Variants in MOGAT3 observed in about 807,000 individuals in gnomAD.
MOGAT3 encodes 2-acylglycerol O-acyltransferase 3.
In MOGAT3, 39 loss-of-function variants were observed where a neutral mutation model predicts 34.4. The observed-to-expected ratio is 1.13, with a 90% CI of 0.88 to 1.48. MOGAT3 has a LOEUF of 1.48. Ranked by LOEUF, MOGAT3 falls within the 40% of genes most tolerant of loss-of-function variation. The pLI, the probability that MOGAT3 is intolerant of heterozygous loss-of-function variation, is 0.00. For missense variants in MOGAT3, 439 were observed against 438.9 expected, an observed-to-expected ratio of 1.00 and a Z score of 0.00; for synonymous variants, 209 against 179.2, an observed-to-expected ratio of 1.17 and a Z score of -1.33.
intron 3 of MOGAT3, 57 bp from the exon 4 acceptor site, chr7:101,198,887 G>C: frequency 6.6e-7 from 1 of 1,506,948 alleles, no homozygotes. Context: ...CGGCTGAAAA[G>C]AGGGGCCCTC....
Position 101,196,333 on chromosome 7 carries a change from G to C in MOGAT3, c.725C>G (p.Ala242Gly). The change falls in exon 6 of 7, where the codon GCT becomes GGT. Residue 242 changes from alanine (A) to glycine (G), a missense_variant. Coordinates refer to ENST00000223114, the MANE Select transcript of MOGAT3 (RefSeq NM_178176.4). The stretch of plus-strand genomic sequence containing the variant: ...ATGCTGCCAGGAGCCTGTGGCAAAA[G>C]CCTTAAGTCTAAAGATGTCATTCTC... ...FGENDIFRLKAFATGSWQHWC... is the reference protein window; with the variant it reads ...FGENDIFRLKGFATGSWQHWC... 6.2e-7 allele frequency: 1 copy of C among 1,614,034 alleles called. No homozygotes were observed.
At chr7:101,196,134 C>T in intron 6 of MOGAT3, 34 bp from the exon 7 acceptor site, 3 of 1,584,382 alleles carry the variant, frequency 1.9e-6, no homozygotes, top group Non-Finnish European at 2.6e-6. Context: ...GGCGAGGGAT[C>T]CCTGATGCCC....
Position 101,198,319 on chromosome 7 carries a change from C to A in MOGAT3, c.540G>T (p.Gln180His). ...SRQSLDFILSQPQLGQAVVIM... is the reference protein window; with the variant it reads ...SRQSLDFILSHPQLGQAVVIM... The stretch of plus-strand genomic sequence containing the variant: ...TGACCACGGCCTGCCCGAGCTGGGG[C>A]TGGGACAGGATGAAGTCCAGGCTCT... The change falls in exon 5 of 7, where the codon CAG becomes CAT. Residue 180 changes from glutamine (Q) to histidine (H), a missense_variant. By Grantham distance (24) the Gln-to-His change is conservative (BLOSUM62 0). Coordinates refer to ENST00000223114, the MANE Select transcript of MOGAT3 (RefSeq NM_178176.4). 1 of 1,590,540 alleles carries A rather than the reference C, an allele frequency of 6.3e-7. No homozygotes were observed. The highest frequency in any genetic ancestry group is 8.6e-7 in the Non-Finnish European group (1 of 1,166,990).
Position 101,200,776 on chromosome 7 carries a change from A to G in MOGAT3, c.79T>C (p.Tyr27His). The change falls in exon 1 of 7, where the codon TAC (tyrosine) becomes CAC (histidine). Residue 27 changes from tyrosine to histidine, a missense_variant. Transcript: ENST00000223114. ...QKQHLEAVGA[Y>H]QYVLTFLFMG... ...AAGAGGAAAGTGAGCACATATTGGT[A>G]GGCGCCCACTGCTTCTAGATGCTGC... 1 of 1,614,056 alleles carries G rather than the reference A, an allele frequency of 6.2e-7. No homozygotes were observed.
In MOGAT3 at chr7:101,195,847, TG is replaced by T; in HGVS notation, c.*98del. Reference sequence around the variant, plus strand: ...GGATTACAGGCATGAGGCACTGCGCTGGGCCCAGAACTACCTTTTATTGGAG... The same window carrying T: ...GGATTACAGGCATGAGGCACTGCGCTGGCCCAGAACTACCTTTTATTGGAG... On this transcript the variant is annotated 3_prime_UTR_variant, in exon 7 of 7. Transcript: ENST00000223114. 7.3e-7 allele frequency: 1 copy of T among 1,366,880 alleles called. No individual in the cohort carries two copies. The highest frequency in any genetic ancestry group is 1.0e-6 in the Non-Finnish European group (1 of 977,274). The allele number at this position is 1,366,880 out of a possible 1,614,324, so 84.7% of individuals were successfully genotyped here. A position where few individuals can be genotyped will look rare whatever the true frequency, so the allele number is the denominator to read the frequency against.
At position 101,196,987 on chromosome 7, in the gene MOGAT3, A is replaced by AC. The variant is rs1474830157; in HGVS notation, c.669-599dup. Among the ~76,000 whole-genome samples, 6 of 152,100 alleles carry AC rather than the reference A, an allele frequency of 3.9e-5. No homozygotes were observed. The Middle Eastern group carries it at 0.01, about 259-fold the overall frequency. ...AGACCACCCTGACCAATATGGTGAA[A>AC]CCCCATCTCTACTAAAAATACAAAA... is the stretch of plus-strand genomic sequence containing the variant. On this transcript the variant is annotated intron_variant, in intron 5 of 6. Coordinates refer to ENST00000223114, the MANE Select transcript of MOGAT3 (RefSeq NM_178176.4).
downstream of MOGAT3, among the ~76,000 whole-genome samples, chr7:101,194,344 C>T (rs759898048): frequency 6.6e-5 from 10 of 151,890 alleles, no homozygotes; most frequent in Non-Finnish European, 1.3e-4. Flanking sequence ...AGCACCACCA[C>T]GCCCAGCTAA....
intron 3 of MOGAT3, among the ~76,000 whole-genome samples, chr7:101,199,770 G>A (rs565702020): frequency 3.3e-5 from 5 of 151,756 alleles, no homozygotes; most frequent in Admixed American, 2.6e-4. Context: ...ATGAGCCATG[G>A]TGCCCCACCA....
rs957865388 is a variant in MOGAT3, at chr7:101,196,296, G to A, written c.762C>T (p.Leu254=). ...AGAAGCCCATGAGCTTCTTGAAGGT[G>A]AGCTGGCACCAATGCTGCCAGGAGC... ...ATGSWQHWCQ[L]TFKKLMGFSP... Residue 254 remains leucine (L), a synonymous_variant, in exon 6 of 7, where the codon CTC becomes CTT. Transcript: ENST00000223114. 1.7e-5 allele frequency: 28 copies of A among 1,613,820 alleles called. No homozygotes were observed. The highest frequency in any genetic ancestry group is 2.2e-5 in the Non-Finnish European group (26 of 1,179,870).
At chr7:101,196,161 C>T in intron 6 of MOGAT3, 26 bp downstream of exon 6, 5 of 1,569,286 alleles carry the variant, frequency 3.2e-6, no homozygotes, top group Non-Finnish European at 4.3e-6. Context: ...CTGCTGGTGG[C>T]CGTCCCCCCG....
chr7:101,196,728 G>A (rs1279995189), intron 5 of MOGAT3, among the ~76,000 whole-genome samples: 1 of 152,032 alleles, frequency 6.6e-6, no homozygotes, highest in East Asian at 1.9e-4. Flanking sequence ...AATTAGCCAG[G>A]TGTGGAAGTG....
chr7:101,195,955 G>A lies in MOGAT3; in HGVS notation c.1017C>T (p.Thr339=), dbSNP rs1245861286. 3.1e-6 allele frequency: 5 copies of A among 1,614,174 alleles called. No homozygotes were observed. Among genetic ancestry groups the A allele is most frequent in the Non-Finnish European group, 3.4e-6 (4 of 1,180,032 alleles). ...SCGVPASTCL[T]FI ...AAGGCCGCGGCCAGGCCTAGATGAA[G>A]GTGAGGCAGGTGGAAGCGGGGACCC... is the stretch of plus-strand genomic sequence containing the variant. Residue 339 remains threonine, a synonymous_variant, in exon 7 of 7, where the codon ACC becomes ACT. Transcript: ENST00000223114.
intron 3 of MOGAT3, 144 bp downstream of exon 3, chr7:101,200,088 TAA>T (rs374209264): frequency 9.3e-3 from 5,792 of 624,178 alleles, no homozygotes; most frequent in Non-Finnish European, 0.01. Context: ...AGACTCAGTC[TAA>T]AAAAAAAAAA....
rs756019281 is a variant in MOGAT3 at position 101,198,179 on chromosome 7, A to G, written c.668+12T>C. The G allele has an allele frequency of 1.9e-6, 3 of 1,605,718 alleles. No homozygotes were observed. In the Admixed American group the frequency reaches 5.1e-5, roughly 27 times the overall value. ...CAGAGAACTGACAGGTAGGGCCTGC[A>G]CGCGCACTCACCCGTGCCTCAGCGC... On this transcript the variant is annotated intron_variant, in intron 5 of 6. Coordinates refer to ENST00000223114, the MANE Select transcript of MOGAT3 (RefSeq NM_178176.4).
At chr7:101,193,602 T>C (rs1797722220), downstream of MOGAT3, among the ~76,000 whole-genome samples, 3 of 151,906 alleles carry the variant, frequency 2.0e-5, no homozygotes, top group Non-Finnish European at 4.4e-5. Flanking sequence ...CTAATTTTTG[T>C]ATTTTTGGTA....
downstream of MOGAT3, among the ~76,000 whole-genome samples, chr7:101,192,970 C>T (rs1011174374): frequency 2.7e-5 from 4 of 149,940 alleles, no homozygotes; most frequent in Non-Finnish European, 5.9e-5. Flanking sequence ...CCCAGCTACT[C>T]GGGAGGCTGA....
At chr7:101,194,839 A>T (rs1406712834), downstream of MOGAT3, among the ~76,000 whole-genome samples, 5 of 151,764 alleles carry the variant, frequency 3.3e-5, no homozygotes, top group Non-Finnish European at 7.4e-5. Context: ...TTCACTGGGG[A>T]TGGTACCATT....
intron 1 of MOGAT3, 45 bp downstream of exon 1, chr7:101,200,701 A>G (rs1224508890): frequency 1.3e-6 from 2 of 1,540,406 alleles, no homozygotes; most frequent in South Asian, 1.1e-5. Flanking sequence ...TCCAAGCCCT[A>G]CTCCCCTGGC....
At chr7:101,193,189 A>C (rs1797716074), downstream of MOGAT3, among the ~76,000 whole-genome samples, 1 of 151,798 alleles carries the variant, frequency 6.6e-6, no homozygotes, top group Non-Finnish European at 1.5e-5. Flanking sequence ...TCCTGGCCTC[A>C]AGCGATCCTC....
Sources: gnomAD v4.1 joint callset for allele counts (sites outside exome capture counted in the v4.1 genomes callset) on GRCh38, gnomAD v4.1.1 for gene constraint, MANE v1.5 for transcripts, NCBI Gene and HGNC (gene_info 2026-07-23, HGNC 2026-07-21) for gene names.